TMEM232: variants seen among roughly 807,000 people sequenced by gnomAD.
TMEM232 encodes the protein transmembrane protein 232.
In TMEM232, 80 loss-of-function variants were observed where a neutral mutation model predicts 78.8. The ratio of observed to expected loss-of-function variants is 1.01; its 90% CI spans 0.85 to 1.22. TMEM232 has a LOEUF of 1.22. Ranked by LOEUF, TMEM232 falls within the 50% of genes most tolerant of loss-of-function variation. The pLI is 0.00. For synonymous variants in TMEM232, 297 were observed against 254.3 expected (o/e 1.17, Z -1.60); for missense variants, 881 against 742.2 (o/e 1.19, Z -2.17).
chr5:110,460,192 T>C (rs1319609560), intron 12 of TMEM232, among the ~76,000 whole-genome samples: 1 of 152,168 alleles, frequency 6.6e-6, no homozygotes, highest in Non-Finnish European at 1.5e-5. Flanking sequence ...TCTGTGTTTA[T>C]ATAAGATAAT....
At chr5:110,556,297 TCTC>T (rs1775068487) in intron 11 of TMEM232, among the ~76,000 whole-genome samples, 1 of 151,810 alleles carries the variant, frequency 6.6e-6, no homozygotes, top group Admixed American at 6.6e-5. Context: ...TTCCCTTCCT[TCTC>T]CTCCTTCCTT....
At chr5:110,488,081 G>A (rs776202373) in intron 12 of TMEM232, among the ~76,000 whole-genome samples, 1 of 151,968 alleles carries the variant, frequency 6.6e-6, no homozygotes, top group Non-Finnish European at 1.5e-5. Context: ...TTTAAGCTAG[G>A]AGGGTTGTAT....
intron 12 of TMEM232, among the ~76,000 whole-genome samples, chr5:110,505,441 C>A (rs1766760493): frequency 6.6e-6 from 1 of 152,136 alleles, no homozygotes; most frequent in Admixed American, 6.5e-5. Flanking sequence ...TTGCACTGAC[C>A]ATAGTAGGAA....
chr5:110,725,631 T>C (rs896617500), intron 1 of TMEM232: 3 of 152,162 alleles, frequency 2.0e-5, no homozygotes, highest in African/African-American at 4.8e-5. Flanking sequence ...AAACCAAGAA[T>C]GTTTATACTT....
chr5:110,610,875 T>C (rs1165353848), intron 8 of TMEM232, among the ~76,000 whole-genome samples: 1 of 152,162 alleles, frequency 6.6e-6, no homozygotes, highest in East Asian at 1.9e-4. Flanking sequence ...ATAAATGTTA[T>C]AGCCAGCCAA....
chr5:110,610,661 T>C, intron 8 of TMEM232: 2 of 404,172 alleles, frequency 4.9e-6, no homozygotes, highest in South Asian at 3.6e-5. Context: ...AAGATGTTCC[T>C]AAAAAATTCT....
At chr5:110,674,226 C>G (rs10068299) in intron 1 of TMEM232, among the ~76,000 whole-genome samples, 11,428 of 152,028 alleles carry the variant, frequency 0.075, 523 homozygotes, top group South Asian at 0.18. Flanking sequence ...TTTACTAGAC[C>G]TTTCTTGGTC....
chr5:110,652,294 G>GCGCGCACACA lies in TMEM232; in HGVS notation c.126-9924_126-9923insTGTGTGCGCG, dbSNP rs1554069154. ...CAAGCACACAAAAGTGCACGCGCGC[G>GCGCGCACACA]CACACACACACACACACACACACAC... On this transcript the variant is annotated intron_variant, in intron 2 of 13. Coordinates refer to ENST00000455884, the MANE Select transcript of TMEM232 (RefSeq NM_001039763.4). 5.3e-3 allele frequency among the ~76,000 whole-genome samples: 771 copies of GCGCGCACACA among 145,444 alleles called. 1 individual carries two copies. The highest frequency in any genetic ancestry group is 8.5e-3 in the Non-Finnish European group (571 of 66,814).
At position 110,559,189 on chromosome 5, in the gene TMEM232, A is replaced by T. The variant is rs979298740; in HGVS notation, c.1455+9258T>A. ...GTTTTACTTTATATTACACAAAAAA[A>T]ATCAATTTCAGATGAATTGTAAACC... On this transcript the variant is annotated intron_variant, in intron 11 of 13. Transcript: ENST00000455884. Among the ~76,000 whole-genome samples, 7 of 152,288 alleles carry T rather than the reference A, an allele frequency of 4.6e-5. No individual in the cohort carries two copies. In the South Asian group the frequency reaches 1.0e-3, roughly 23 times the overall value.
chr5:110,487,245 ATC>A (rs1335139963), intron 12 of TMEM232, among the ~76,000 whole-genome samples: 2 of 152,042 alleles, frequency 1.3e-5, no homozygotes, highest in Admixed American at 1.3e-4. Context: ...AAATGATCAT[ATC>A]TTCAGCAAAC....
At chr5:110,390,119 GC>G (rs1388327603) in intron 4 of TMEM232, among the ~76,000 whole-genome samples, 1 of 152,014 alleles carries the variant, frequency 6.6e-6, no homozygotes, top group Admixed American at 6.6e-5. Flanking sequence ...AACCAATTGA[GC>G]TTTTTATGTC....
At chr5:110,732,564 G>T (rs964048862) in intron 2 of TMEM232, among the ~76,000 whole-genome samples, 1 of 152,160 alleles carries the variant, frequency 6.6e-6, no homozygotes, top group Admixed American at 6.5e-5. Context: ...GGAAACCCCT[G>T]ATAAGCCCAT....
At position 110,732,322 on chromosome 5, in the gene TMEM232, G is replaced by A. The variant is rs1042913883; in HGVS notation, c.-13+2581C>T. On this transcript the variant is annotated intron_variant, in intron 2 of 4. Transcript: ENST00000512886. ...CTGCCTATTACCCAGTTCCAAAGTCGCTTCCACATTTTTGGTTATCTTTTC... is the reference window on the plus strand; with the variant it reads ...CTGCCTATTACCCAGTTCCAAAGTCACTTCCACATTTTTGGTTATCTTTTC... Among the ~76,000 whole-genome samples the A allele has an allele frequency of 7.2e-5, 11 of 152,148 alleles. No individual in the cohort carries two copies. The South Asian group carries it at 1.5e-3, about 20-fold the overall frequency.
chr5:110,524,384 A>C lies in TMEM232; in HGVS notation c.1703+4204T>G, dbSNP rs1445633936. On this transcript the variant is annotated intron_variant, in intron 12 of 13. Coordinates refer to ENST00000455884, the MANE Select transcript of TMEM232 (RefSeq NM_001039763.4). Reference sequence around the variant, plus strand: ...GAAAAAAAGAAAGAAAGAAAGAAAGAAAGAAAGAAAGAAAGAAAGAAAGAA... The same window carrying C: ...GAAAAAAAGAAAGAAAGAAAGAAAGCAAGAAAGAAAGAAAGAAAGAAAGAA... Among the ~76,000 whole-genome samples the C allele has an allele frequency of 8.6e-5, 6 of 70,038 alleles. 1 individual carries two copies. The highest frequency in any genetic ancestry group is 8.4e-4 in the Admixed American group (6 of 7,160). The allele number at this position is 70,038 out of a possible 152,430, so 45.9% of individuals were successfully genotyped here. A position where few individuals can be genotyped will look rare whatever the true frequency, so the allele number is the denominator to read the frequency against.
intron 1 of TMEM232, among the ~76,000 whole-genome samples, chr5:110,709,031 T>A (rs572062508): frequency 6.6e-6 from 1 of 151,954 alleles, no homozygotes; most frequent in Non-Finnish European, 1.5e-5. Flanking sequence ...AATAAAGAGA[T>A]GGAAAAAAGA....
At chr5:110,462,113 G>C (rs1761598823) in intron 12 of TMEM232, among the ~76,000 whole-genome samples, 1 of 152,160 alleles carries the variant, frequency 6.6e-6, no homozygotes, top group South Asian at 2.1e-4. Flanking sequence ...TCTTATAATG[G>C]ATATGAGCAA....
At chr5:110,729,704 C>T (rs531545525), upstream of TMEM232, among the ~76,000 whole-genome samples, 3 of 152,314 alleles carry the variant, frequency 2.0e-5, no homozygotes, top group East Asian at 3.9e-4. Context: ...AGCACCCTTA[C>T]AGATTTTCCT....
chr5:110,474,531 T>C lies in TMEM232; in HGVS notation c.1704-49615A>G, dbSNP rs139683271. Among the ~76,000 whole-genome samples the C allele has an allele frequency of 3.3e-3, 503 of 152,044 alleles. 3 individuals are homozygous for C. The highest frequency in any genetic ancestry group is 0.011 in the African/African-American group (475 of 41,558). ...GAAATGTACACTATGATCACTTCTA[T>C]CTAACTATAAATTAGAAGTTCTAGC... On this transcript the variant is annotated intron_variant, in intron 12 of 13. Transcript: ENST00000455884.
intron 1 of TMEM232, among the ~76,000 whole-genome samples, chr5:110,685,905 A>T (rs966905357): frequency 6.6e-5 from 10 of 152,156 alleles, no homozygotes; most frequent in Non-Finnish European, 1.5e-4. Context: ...AAGTGTACAT[A>T]CTATGTGATT....
Sources: allele counts gnomAD v4.1 joint callset (sites outside exome capture counted in the v4.1 genomes callset), GRCh38; gene constraint gnomAD v4.1.1; transcripts MANE v1.5; gene names NCBI Gene and HGNC (gene_info 2026-07-23, HGNC 2026-07-21).